The following ZNF236 variants were observed in gnomAD, a reference collection of about 807,000 sequenced individuals.
ZNF236 encodes regulated by glucose.
Under a neutral mutation model 191.2 loss-of-function variants are expected in ZNF236, and 50 were observed. That is an observed-to-expected ratio of 0.26 (90% CI 0.21 to 0.33). The LOEUF (loss-of-function observed/expected upper bound fraction) is 0.33. Ranked by LOEUF, ZNF236 falls within the 10% of genes least tolerant of loss-of-function variation. The pLI, the probability that ZNF236 is intolerant of heterozygous loss-of-function variation, is 1.00. For synonymous variants in ZNF236, 907 were observed against 928.8 expected (o/e 0.98, Z 0.43); for missense variants, 1,754 against 2,374.5 (o/e 0.74, Z 5.43).
intron 10 of ZNF236, among the ~76,000 whole-genome samples, chr18:76,897,003 A>G (rs1977439564): frequency 6.6e-6 from 1 of 151,530 alleles, no homozygotes; most frequent in Non-Finnish European, 1.5e-5. Context: ...TAGGCATCAA[A>G]CACAGTACTG....
chr18:76,850,100 A>T (rs1975814847), intron 2 of ZNF236, among the ~76,000 whole-genome samples: 1 of 152,180 alleles, frequency 6.6e-6, no homozygotes, highest in Admixed American at 6.5e-5. Flanking sequence ...ATTACATACT[A>T]TCTTAAATAG....
chr18:76,914,040 C>G (rs954250848), intron 18 of ZNF236, 142 bp downstream of exon 18: 12 of 898,992 alleles, frequency 1.3e-5, no homozygotes, highest in African/African-American at 3.3e-5. Context: ...CTGCAACCAT[C>G]AAAACTGTAA....
intron 9 of ZNF236, among the ~76,000 whole-genome samples, chr18:76,893,372 T>TTTTA (rs1248187460): frequency 2.6e-5 from 4 of 152,358 alleles, no homozygotes; most frequent in South Asian, 2.1e-4. Context: ...ATGTCTCACC[T>TTTTA]TTTAAAACCA....
chr18:76,880,136 T>G lies in ZNF236; in HGVS notation c.1008T>G (p.Pro336=). Residue 336 remains proline, a synonymous_variant, in exon 8 of 31, where the codon CCT becomes CCG. Transcript: ENST00000320610. The surrounding 1 kb of genome is among the most constrained non-coding windows in gnomAD (Gnocchi z 5.0). ...AGGCCACACTTTTTCAGACGTTACCTCTTCAACAGACGGAAGCCCAAGCCA... is the reference window on the plus strand; with the variant it reads ...AGGCCACACTTTTTCAGACGTTACCGCTTCAACAGACGGAAGCCCAAGCCA... ...VLTATLFQTL[P]LQQTEAQATS... is the part of the protein sequence containing the mutation. 2 of 1,613,950 alleles carry G rather than the reference T, an allele frequency of 1.2e-6. No individual in the cohort carries two copies. Among genetic ancestry groups the G allele is most frequent in the East Asian group, 2.2e-5 (1 of 44,876 alleles).
At chr18:76,914,755 A>G (rs764663228) in intron 18 of ZNF236, among the ~76,000 whole-genome samples, 1 of 152,178 alleles carries the variant, frequency 6.6e-6, no homozygotes, top group Non-Finnish European at 1.5e-5. Context: ...AGGTTTTTAT[A>G]TTCTGGCTAC....
At chr18:76,828,415 G>C (rs1423697595) in intron 1 of ZNF236, among the ~76,000 whole-genome samples, 2 of 152,080 alleles carry the variant, frequency 1.3e-5, no homozygotes, top group Non-Finnish European at 2.9e-5. Context: ...TGATCCACCT[G>C]CCTTGGCCTC....
At chr18:76,826,311 A>G (rs1975018486) in intron 1 of ZNF236, among the ~76,000 whole-genome samples, 1 of 142,338 alleles carries the variant, frequency 7.0e-6, no homozygotes, top group African/African-American at 2.6e-5. Context: ...TTTAGTAGAG[A>G]CGGGGTTTCA....
chr18:76,959,956 C>G, intron 29 of ZNF236, 140 bp downstream of exon 29: 1 of 1,089,298 alleles, frequency 9.2e-7, no homozygotes, highest in South Asian at 1.9e-5. Context: ...TTCCATTTCT[C>G]CTGAGTTTTG....
At position 76,937,152 on chromosome 18, in the gene ZNF236, G is replaced by A. The variant is rs1252459773; in HGVS notation, c.4595-4G>A. On this transcript the variant is annotated splice_polypyrimidine_tract_variant and splice_region_variant and intron_variant, in intron 25 of 30. Transcript: ENST00000320610. ...TTGATCTACTTACTTTGCCTCTTTT[G>A]TAGAACTTAACACTACAAGCGGAAG... 1 of 1,611,962 alleles carries A rather than the reference G, an allele frequency of 6.2e-7. No individual in the cohort carries two copies. Among genetic ancestry groups the A allele is most frequent in the African/African-American group, 1.3e-5 (1 of 74,978 alleles).
At chr18:76,933,469 GAA>G (rs535282099) in intron 25 of ZNF236, among the ~76,000 whole-genome samples, 4 of 125,902 alleles carry the variant, frequency 3.2e-5, no homozygotes, top group East Asian at 4.5e-4. Flanking sequence ...GTCTCAAGAA[GAA>G]AAAAAAAAAG....
At chr18:76,937,974 A>G (rs1968043868) in intron 26 of ZNF236, among the ~76,000 whole-genome samples, 1 of 152,236 alleles carries the variant, frequency 6.6e-6, no homozygotes, top group African/African-American at 2.4e-5. Flanking sequence ...AAGACTAATT[A>G]TAATAAGGCT....
At chr18:76,931,723 A>G (rs929650579) in intron 25 of ZNF236, among the ~76,000 whole-genome samples, 4 of 152,246 alleles carry the variant, frequency 2.6e-5, no homozygotes, top group African/African-American at 9.6e-5. Context: ...AACTGCAATT[A>G]CTTTTGCACC....
At chr18:76,883,362 CT>C (rs10581368) in intron 9 of ZNF236, among the ~76,000 whole-genome samples, 40,979 of 92,252 alleles carry the variant, frequency 0.44, 8,120 homozygotes, top group Non-Finnish European at 0.48. Flanking sequence ...GGAGCCAGTG[CT>C]TTTTTTTTTT....
chr18:76,932,492 G>A (rs1235298655), intron 25 of ZNF236, among the ~76,000 whole-genome samples: 1 of 152,172 alleles, frequency 6.6e-6, no homozygotes, highest in African/African-American at 2.4e-5. Flanking sequence ...CTAATCTTAG[G>A]CTGTGAGTTC....
intron 10 of ZNF236, among the ~76,000 whole-genome samples, chr18:76,896,948 TCA>T (rs1331760887): frequency 6.7e-6 from 1 of 149,864 alleles, no homozygotes; most frequent in Non-Finnish European, 1.5e-5. Context: ...GTATACAGCA[TCA>T]CATACAGTAC....
chr18:76,940,863 G>A (rs941301684), intron 26 of ZNF236, among the ~76,000 whole-genome samples: 2 of 152,192 alleles, frequency 1.3e-5, no homozygotes, highest in Non-Finnish European at 2.9e-5. Context: ...AGGGGTGAGC[G>A]TGGGCCAGAG....
At chr18:76,947,823 G>A (rs1037152866) in intron 27 of ZNF236, among the ~76,000 whole-genome samples, 171 bp downstream of exon 27, 1 of 152,128 alleles carries the variant, frequency 6.6e-6, no homozygotes, top group African/African-American at 2.4e-5. Flanking sequence ...GCGGGGGCGT[G>A]TGTTGAATGA....
At chr18:76,948,403 A>G (rs1968321768) in intron 27 of ZNF236, among the ~76,000 whole-genome samples, 1 of 152,186 alleles carries the variant, frequency 6.6e-6, no homozygotes, top group African/African-American at 2.4e-5. Context: ...GAGCTGTCTC[A>G]CTGAATTTCA....
intron 1 of ZNF236, chr18:76,824,049 T>A: frequency 2.4e-6 from 1 of 420,992 alleles, no homozygotes; most frequent in Non-Finnish European, 4.4e-6. Flanking sequence ...GATTTTTATT[T>A]AACTGTTTAG....
Sources: gnomAD v4.1 joint callset for allele counts (sites outside exome capture counted in the v4.1 genomes callset) on GRCh38, gnomAD v4.1.1 for gene constraint, Gnocchi (gnomAD v3.1) non-coding constraint, MANE v1.5 for transcripts, NCBI Gene and HGNC (gene_info 2026-07-23, HGNC 2026-07-21) for gene names.